Variants in EVL observed in about 807,000 individuals in gnomAD.
EVL encodes ena/VASP-like protein.
Under a neutral mutation model 59.6 loss-of-function variants are expected in EVL, and 21 were observed. The observed-to-expected ratio is 0.35, with a 90% confidence interval of 0.25 to 0.51. EVL has a LOEUF of 0.51. Ranked by LOEUF, EVL falls within the 20% of genes least tolerant of loss-of-function variation. The pLI is 0.97. For synonymous variants in EVL, 198 were observed against 203.5 expected, an observed-to-expected ratio of 0.97 and a Z score of 0.23; for missense variants, 462 against 546.6, an observed-to-expected ratio of 0.85 and a Z score of 1.54.
chr14:100,001,904 A>C (rs2060948405), intron 1 of EVL, among the ~76,000 whole-genome samples: 1 of 152,244 alleles, frequency 6.6e-6, no homozygotes. Context: ...GTTACAAATG[A>C]AAACAAACTT....
At chr14:100,006,006 A>T (rs1056987596) in intron 1 of EVL, among the ~76,000 whole-genome samples, 51 of 56,106 alleles carry the variant, frequency 9.1e-4, no homozygotes, top group Non-Finnish European at 1.5e-3. Flanking sequence ...TTTGCTGGCC[A>T]TTTCCCCCCC....
intron 12 of EVL, among the ~76,000 whole-genome samples, 157 bp from the exon 13 acceptor site, chr14:100,141,579 C>G (rs913034835): frequency 6.6e-6 from 1 of 152,236 alleles, no homozygotes; most frequent in African/African-American, 2.4e-5. Flanking sequence ...ATGCCGTCCC[C>G]CCTCAGCGTG....
chr14:100,019,770 C>T, intron 1 of EVL: 1 of 1,333,004 alleles, frequency 7.5e-7, no homozygotes, highest in African/African-American at 1.5e-5. Flanking sequence ...AGCTTAGGCT[C>T]TGGCTGGTTC....
At chr14:100,099,359 G>A (rs567860343) in intron 3 of EVL, among the ~76,000 whole-genome samples, 4 of 152,196 alleles carry the variant, frequency 2.6e-5, no homozygotes, top group East Asian at 1.9e-4. Flanking sequence ...CATAGTGAGA[G>A]CCTGTGTCTT....
intron 2 of EVL, among the ~76,000 whole-genome samples, chr14:100,088,523 A>C (rs1179777546): frequency 6.6e-6 from 1 of 152,228 alleles, no homozygotes; most frequent in Non-Finnish European, 1.5e-5. Context: ...CCTAGGCTAC[A>C]AACCCATACA....
intron 3 of EVL, among the ~76,000 whole-genome samples, chr14:100,111,148 A>ATTTTTTTTT (rs35367426): frequency 2.5e-4 from 22 of 86,810 alleles, no homozygotes; most frequent in Non-Finnish European, 4.0e-4. Flanking sequence ...TAGTGTCCTC[A>ATTTTTTTTT]TTTTTTTTTT....
chr14:100,075,587 A>G (rs2062143326), intron 1 of EVL, among the ~76,000 whole-genome samples: 1 of 152,194 alleles, frequency 6.6e-6, no homozygotes, highest in Admixed American at 6.5e-5. Context: ...CAGAGGCACC[A>G]GGCTACACTG....
At chr14:100,012,496 C>T (rs780295582) in intron 1 of EVL, among the ~76,000 whole-genome samples, 4 of 152,230 alleles carry the variant, frequency 2.6e-5, no homozygotes, top group Non-Finnish European at 5.9e-5. Flanking sequence ...ACTGGAGCAG[C>T]TGCACTTGCT....
At chr14:100,099,332 G>C (rs1026824760) in intron 3 of EVL, among the ~76,000 whole-genome samples, 2 of 152,088 alleles carry the variant, frequency 1.3e-5, no homozygotes, top group Non-Finnish European at 1.5e-5. Context: ...CCAAGAGTTC[G>C]AGTCCAGCCT....
chr14:99,986,345 C>T (rs2060840502), intron 1 of EVL, among the ~76,000 whole-genome samples: 1 of 151,148 alleles, frequency 6.6e-6, no homozygotes, highest in South Asian at 2.1e-4. Context: ...CTTCTTTCTA[C>T]CAGCTGAGAT....
intron 3 of EVL, among the ~76,000 whole-genome samples, chr14:100,110,682 G>T (rs1000855989): frequency 1.3e-5 from 2 of 152,138 alleles, no homozygotes; most frequent in Non-Finnish European, 1.5e-5. Context: ...CCTCACGGGT[G>T]CCCCTAATTT....
At chr14:100,015,177 ACT>A (rs1194691039) in intron 1 of EVL, among the ~76,000 whole-genome samples, 1 of 152,142 alleles carries the variant, frequency 6.6e-6, no homozygotes, top group Admixed American at 6.5e-5. Flanking sequence ...AGGGCCTTAA[ACT>A]CTCTGTTTAT....
chr14:100,086,681 G>T (rs55995525), intron 2 of EVL, among the ~76,000 whole-genome samples: 1 of 152,214 alleles, frequency 6.6e-6, no homozygotes, highest in African/African-American at 2.4e-5. Context: ...TCCCCACTCC[G>T]GGAGGGACTG....
chr14:100,024,864 C>T (rs1008029040), intron 1 of EVL, among the ~76,000 whole-genome samples: 1 of 152,086 alleles, frequency 6.6e-6, no homozygotes, highest in South Asian at 2.1e-4. Context: ...GCCCAGTCAG[C>T]GGCAGCTCCG....
chr14:99,974,125 A>G (rs1482403814), intron 1 of EVL, among the ~76,000 whole-genome samples: 1 of 152,218 alleles, frequency 6.6e-6, no homozygotes, highest in African/African-American at 2.4e-5. Context: ...TTCACACAGT[A>G]AAATGTACCC....
chr14:100,137,095 T>G, intron 9 of EVL: 1 of 164,886 alleles, frequency 6.1e-6, no homozygotes, highest in Admixed American at 5.6e-5. Flanking sequence ...CAACAAATCT[T>G]TTGGAGTAGA....
rs748618692 is a variant in EVL, at chr14:100,084,717, C to T, written c.42C>T (p.Ser14=). ...SEQSICQARA[S]VMVYDDTSKK... is the part of the protein sequence containing the mutation. The stretch of plus-strand genomic sequence containing the variant: ...AGAGTATCTGCCAAGCCCGGGCTTC[C>T]GTGATGGTCTACGATGACACCAGTA... Residue 14 remains serine, a synonymous_variant, in exon 2 of 14, where the codon TCC becomes TCT. Transcript: ENST00000392920. The T allele has an allele frequency of 2.0e-5, 33 of 1,614,030 alleles. No individual in the cohort carries two copies. Among genetic ancestry groups the T allele is most frequent in the Non-Finnish European group, 2.5e-5 (30 of 1,180,020 alleles).
At chr14:100,008,605 A>G (rs2060998005) in intron 1 of EVL, among the ~76,000 whole-genome samples, 1 of 152,210 alleles carries the variant, frequency 6.6e-6, no homozygotes, top group Non-Finnish European at 1.5e-5. Context: ...GGTCCAAGAA[A>G]GAGTTGAATG....
intron 12 of EVL, among the ~76,000 whole-genome samples, chr14:100,141,495 C>G (rs1342170758): frequency 6.6e-6 from 1 of 152,248 alleles, no homozygotes; most frequent in Non-Finnish European, 1.5e-5. Flanking sequence ...CTGGGGCTTT[C>G]TGCCCCGAGG....
Sources: allele counts gnomAD v4.1 joint callset (sites outside exome capture counted in the v4.1 genomes callset), GRCh38; gene constraint gnomAD v4.1.1; transcripts MANE v1.5; gene names NCBI Gene and HGNC (gene_info 2026-07-23, HGNC 2026-07-21).